The following ADAMTS1 variants were observed in gnomAD, a reference collection of about 807,000 sequenced individuals.
ADAMTS1 encodes the protein ADAM metallopeptidase with thrombospondin type 1 motif 1.
ADAMTS1 carries 19 observed loss-of-function variants against 87.9 expected under a neutral mutation model. The observed-to-expected ratio is 0.22, with a 90% CI of 0.15 to 0.32. The LOEUF is 0.32. ADAMTS1 is among the 10% of genes least tolerant of loss of function. The pLI is 1.00. For synonymous variants in ADAMTS1, 542 were observed against 501.8 expected, an observed-to-expected ratio of 1.08 and a Z score of -1.07; for missense variants, 1,240 against 1,259.1, an observed-to-expected ratio of 0.98 and a Z score of 0.23.
rs1985353319 is a variant in ADAMTS1, at chr21:26,835,818, A to G, written c.*1761T>C. ...GTTGGCAAACTGAATCTGCAGAACAAATCTGACCCATTATTTGTTTTTGCA... is the reference window on the plus strand; with the variant it reads ...GTTGGCAAACTGAATCTGCAGAACAGATCTGACCCATTATTTGTTTTTGCA... On this transcript the variant is annotated 3_prime_UTR_variant, in exon 9 of 9. Transcript: ENST00000284984. The G allele has an allele frequency of 6.6e-6, 1 of 152,218 alleles. No homozygotes were observed. The highest frequency in any genetic ancestry group is 6.5e-5 in the Admixed American group (1 of 15,280). The allele number at this position is 152,218 out of a possible 1,614,324, so 9.4% of individuals were successfully genotyped here. A position where few individuals can be genotyped will look rare whatever the true frequency, so the allele number is the denominator to read the frequency against.
chr21:26,841,351 C>T (rs1020604803), intron 3 of ADAMTS1, 186 bp from the exon 4 acceptor site: 1 of 553,282 alleles, frequency 1.8e-6, no homozygotes, highest in Non-Finnish European at 3.1e-6. Flanking sequence ...TGGTGGCATG[C>T]ACCTGTAATC....
chr21:26,836,096 A>G lies in ADAMTS1; in HGVS notation c.*1483T>C. The G allele has an allele frequency of 6.6e-6, 1 of 152,252 alleles. No homozygotes were observed. The highest frequency in any genetic ancestry group is 1.9e-4 in the East Asian group (1 of 5,206). 9.4% of individuals were successfully genotyped at this position (152,252 alleles called of 1,614,324 possible). A position where few individuals can be genotyped will look rare whatever the true frequency, so the allele number is the denominator to read the frequency against. On this transcript the variant is annotated 3_prime_UTR_variant, in exon 9 of 9. Coordinates refer to ENST00000284984, the MANE Select transcript of ADAMTS1 (RefSeq NM_006988.5). ...ATTTCTTTCTTTTTAGCAATCATGTATACCAAGGATATAAGAAATACATCT... is the reference window on the plus strand; with the variant it reads ...ATTTCTTTCTTTTTAGCAATCATGTGTACCAAGGATATAAGAAATACATCT...
rs774121914 is a variant in ADAMTS1, at chr21:26,842,519, A to G, written c.897T>C (p.Arg299=). ...AARLYKHPSI[R]NSVSLVVVKI... is the part of the protein sequence containing the mutation. ...TCACCACCACCAGGCTAACTGAATT[A>G]CGAATGCTGGGGTGTTTGTACAATC... Residue 299 remains arginine (R), a synonymous_variant, in exon 2 of 9, where the codon CGT becomes CGC. Coordinates refer to ENST00000284984, the MANE Select transcript of ADAMTS1 (RefSeq NM_006988.5). 103 of 1,614,088 alleles carry G rather than the reference A, an allele frequency of 6.4e-5. No homozygotes were observed. In the Admixed American group the frequency reaches 1.6e-3, roughly 26 times the overall value.
At position 26,838,526 on chromosome 21, in the gene ADAMTS1, T is replaced by G. The variant is rs763557575; in HGVS notation, c.2117A>C (p.Asp706Ala). ...ACATTTATCAAACTTCTTTTTGGAG[T>G]CTATGATGCGATCACAACCAGCTTT... Reference protein sequence around the residue: ...CVKAGCDRIIDSKKKFDKCGV... With the variant: ...CVKAGCDRIIASKKKFDKCGV... Residue 706 changes from aspartate to alanine, a missense_variant, in exon 8 of 9, where the codon GAC (aspartate) becomes GCC (alanine). By Grantham distance (126) the Asp-to-Ala change is moderately radical. Around this residue, in one of 3 missense-constraint regions of ADAMTS1, gnomAD observed 402 missense variants for 399.1 expected, o/e 1.01. Coordinates refer to ENST00000284984, the MANE Select transcript of ADAMTS1 (RefSeq NM_006988.5). 2.5e-6 allele frequency: 4 copies of G among 1,614,014 alleles called. No individual in the cohort carries two copies. The highest frequency in any genetic ancestry group is 3.4e-6 in the Non-Finnish European group (4 of 1,180,038).
chr21:26,839,538 C>A (rs2123317111), intron 7 of ADAMTS1, 49 bp downstream of exon 7: 1 of 1,444,866 alleles, frequency 6.9e-7, no homozygotes, highest in South Asian at 1.6e-5. Flanking sequence ...GAAAAGGTAG[C>A]AAGCCCAGGC....
chr21:26,840,515 C>A lies in ADAMTS1; in HGVS notation c.1426G>T (p.Asp476Tyr), dbSNP rs765139475. Residue 476 changes from aspartate to tyrosine, a missense_variant, in exon 5 of 9, where the codon GAT becomes TAT. Physicochemically the swap from Asp to Tyr is radical, Grantham distance 160. Coordinates refer to ENST00000284984, the MANE Select transcript of ADAMTS1 (RefSeq NM_006988.5). Reference sequence around the variant, plus strand: ...GCATCGTACGAGGTGCCAGGGAGATCGCCTGGGAGCTGTATGGGATTCTGA... The same window carrying A: ...GCATCGTACGAGGTGCCAGGGAGATAGCCTGGGAGCTGTATGGGATTCTGA... Reference protein sequence around the residue: ...KPQNPIQLPGDLPGTSYDANR... With the variant: ...KPQNPIQLPGYLPGTSYDANR... The A allele has an allele frequency of 1.2e-6, 2 of 1,614,088 alleles. No homozygotes were observed. Among genetic ancestry groups the A allele is most frequent in the Non-Finnish European group, 1.7e-6 (2 of 1,180,048 alleles).
rs1471625442 is a variant in ADAMTS1 at position 26,844,946 on chromosome 21, T to C, written c.9A>G (p.Arg3=). The part of the protein sequence containing the change: MQ[R]AVPEGFGRRK... ...GCCTTCCGAACCCCTCGGGCACAGC[T>C]CGCTGCATTGGAGCCCCAGGAGACA... The change falls in exon 1 of 9, where the codon CGA becomes CGG. Residue 3 remains arginine (R), a synonymous_variant. Transcript: ENST00000284984. 7 of 1,506,040 alleles carry C rather than the reference T, an allele frequency of 4.6e-6. No homozygotes were observed. The South Asian group carries it at 7.9e-5, about 17-fold the overall frequency. The allele number at this position is 1,506,040 out of a possible 1,614,324, so 93.3% of individuals were successfully genotyped here.
intron 1 of ADAMTS1, chr21:26,842,896 G>C (rs941711746): frequency 3.5e-6 from 2 of 574,104 alleles, no homozygotes; most frequent in Non-Finnish European, 6.2e-6. Flanking sequence ...GCGCTCCTTT[G>C]CATGGTCAGG....
chr21:26,845,149 G>A lies in ADAMTS1; in HGVS notation c.-195C>T. The A allele has an allele frequency of 1.4e-6, 1 of 719,264 alleles. No individual in the cohort carries two copies. The highest frequency in any genetic ancestry group is 3.3e-5 in the East Asian group (1 of 30,428). The allele number at this position is 719,264 out of a possible 1,614,324, so 44.6% of individuals were successfully genotyped here. On this transcript the variant is annotated 5_prime_UTR_variant, in exon 1 of 9. Coordinates refer to ENST00000284984, the MANE Select transcript of ADAMTS1 (RefSeq NM_006988.5). Reference sequence around the variant, plus strand: ...TAAAAGGAGGCGCTGCAGTTCTGCCGGCGCGCGGGAAGTTTTTCTTCCAGC... The same window carrying A: ...TAAAAGGAGGCGCTGCAGTTCTGCCAGCGCGCGGGAAGTTTTTCTTCCAGC...
chr21:26,840,597 G>A, intron 4 of ADAMTS1, 35 bp from the exon 5 acceptor site: 1 of 1,599,176 alleles, frequency 6.3e-7, no homozygotes, highest in Non-Finnish European at 8.5e-7. Context: ...TCAATACAGA[G>A]TTAGTGAGGG....
chr21:26,844,686 C>G lies in ADAMTS1; in HGVS notation c.269G>C (p.Arg90Pro), dbSNP rs1263719217. The G allele has an allele frequency of 6.3e-7, 1 of 1,594,366 alleles. No homozygotes were observed. The highest frequency in any genetic ancestry group is 8.5e-7 in the Non-Finnish European group (1 of 1,171,056). Residue 90 changes from arginine to proline, a missense_variant, in exon 1 of 9, where the codon CGG becomes CCG. This residue lies in a region of ADAMTS1 where 521 missense variants were observed against 449.7 expected (regional missense o/e 1.16). Transcript: ENST00000284984. ...AFDQQLDLEL[R>P]PDSSFLAPGF... ...GGGCGCCAAAAAGCTGCTGTCGGGC[C>G]GCAGCTCCAGATCCAGCTGCTGGTC...
Position 26,837,503 on chromosome 21 carries a change from T to C in ADAMTS1, c.*76A>G. ...TTACTGGCAAGATACGCTGGATCCC[T>C]CCAGCCTTCTTGCTTTCCCTGCACC... On this transcript the variant is annotated 3_prime_UTR_variant, in exon 9 of 9. Coordinates refer to ENST00000284984, the MANE Select transcript of ADAMTS1 (RefSeq NM_006988.5). The C allele has an allele frequency of 7.4e-7, 1 of 1,343,324 alleles. No individual in the cohort carries two copies. Among genetic ancestry groups the C allele is most frequent in the Non-Finnish European group, 1.1e-6 (1 of 952,144 alleles). The allele number at this position is 1,343,324 out of a possible 1,614,324, so 83.2% of individuals were successfully genotyped here.
intron 8 of ADAMTS1, 71 bp downstream of exon 8, chr21:26,838,368 A>AT (rs951612731): frequency 8.2e-6 from 13 of 1,587,152 alleles, no homozygotes; most frequent in Middle Eastern, 1.7e-4. Flanking sequence ...TATGAGACAT[A>AT]TTTTTTTCCC....
At chr21:26,843,882 AAT>A (rs777129578) in intron 1 of ADAMTS1, 1 of 475,804 alleles carries the variant, frequency 2.1e-6, no homozygotes, top group Non-Finnish European at 4.0e-6. Context: ...ATTAAAAAGA[AAT>A]ACACAGAGTG....
chr21:26,838,023 G>T lies in ADAMTS1; in HGVS notation c.2460C>A (p.Pro820=), dbSNP rs551013851. The change falls in exon 9 of 9, where the codon CCC becomes CCA. Residue 820 remains proline (P), a synonymous_variant. Coordinates refer to ENST00000284984, the MANE Select transcript of ADAMTS1 (RefSeq NM_006988.5). Reference sequence around the variant, plus strand: ...CCACAGTAAGAACCTGGATGGTCAAGGGCTCTTTGAGAGGGCTAAAGCTGC... The same window carrying T: ...CCACAGTAAGAACCTGGATGGTCAATGGCTCTTTGAGAGGGCTAAAGCTGC... ...RIRSFSPLKE[P]LTIQVLTVGN... 2 of 1,614,230 alleles carry T rather than the reference G, an allele frequency of 1.2e-6. No homozygotes were observed. The highest frequency in any genetic ancestry group is 2.7e-5 in the African/African-American group (2 of 75,070).
intron 1 of ADAMTS1, chr21:26,843,425 A>T (rs957828251): frequency 2.2e-6 from 1 of 463,882 alleles, no homozygotes; most frequent in Non-Finnish European, 4.5e-6. Flanking sequence ...AGAATTCTTT[A>T]AAAAATGACA....
In ADAMTS1 at chr21:26,842,598, A is replaced by T. The variant is rs772153583; in HGVS notation, c.818T>A (p.Phe273Tyr). ...GTAATGCTTTAGACCACTGCCGTGG[A>T]ATTCTGCCATCGACTGGTCTGCCAC... is the stretch of plus-strand genomic sequence containing the variant. ...MLVADQSMAEFHGSGLKHYLL... is the reference protein window; with the variant it reads ...MLVADQSMAEYHGSGLKHYLL... Residue 273 changes from phenylalanine (F) to tyrosine (Y), a missense_variant, in exon 2 of 9, where the codon TTC becomes TAC. Phe to Tyr is a conservative substitution (Grantham distance 22). Transcript: ENST00000284984. 6.2e-7 allele frequency: 1 copy of T among 1,614,092 alleles called. No homozygotes were observed.
intron 8 of ADAMTS1, 79 bp from the exon 9 acceptor site, chr21:26,838,357 TTA>T (rs1198722203): frequency 6.3e-7 from 1 of 1,580,522 alleles, no homozygotes; most frequent in African/African-American, 1.4e-5. Context: ...CATTAATCTT[TTA>T]TGAGACATAT....
chr21:26,844,106 G>T, intron 1 of ADAMTS1, 119 bp downstream of exon 1: 2 of 1,314,852 alleles, frequency 1.5e-6, no homozygotes, highest in Non-Finnish European at 2.0e-6. Flanking sequence ...CCAGGCCTCC[G>T]TTCTGTCCGC....
Sources: gnomAD v4.1 joint callset for allele counts on GRCh38, gnomAD v4.1.1 for gene constraint, gnomAD v4.1.1 regional missense constraint, MANE v1.5 for transcripts, NCBI Gene and HGNC (gene_info 2026-07-23, HGNC 2026-07-21) for gene names.